Variants in FRMD5 observed in about 807,000 individuals in gnomAD.
FRMD5 encodes the protein FERM domain containing 5, also known as FERM domain-containing protein 5.
Under a neutral mutation model 69.0 loss-of-function variants are expected in FRMD5, and 20 were observed. The observed-to-expected ratio is 0.29, with a 90% CI of 0.20 to 0.42. FRMD5 has a LOEUF of 0.42. Among genes scored for constraint, FRMD5 ranks in the 10% least tolerant of loss-of-function variants. FRMD5 has a pLI of 1.00. For synonymous variants in FRMD5, 271 were observed against 260.1 expected (o/e 1.04, Z -0.40); for missense variants, 595 against 708.6 (o/e 0.84, Z 1.82).
chr15:44,154,195 T>C (rs2077490743), intron 1 of FRMD5, among the ~76,000 whole-genome samples: 1 of 152,068 alleles, frequency 6.6e-6, no homozygotes, highest in Admixed American at 6.5e-5. Flanking sequence ...TGGTGGTGCA[T>C]GCTTTTCATC....
chr15:43,999,919 GTATGTA>G (rs1368554157), intron 1 of FRMD5, among the ~76,000 whole-genome samples: 1 of 4,588 alleles, frequency 2.2e-4, no homozygotes, highest in Non-Finnish European at 1.5e-3. Flanking sequence ...TTGTGTGTGT[GTATGTA>G]TATATATATA....
At chr15:44,053,248 T>C (rs1471167315) in intron 1 of FRMD5, among the ~76,000 whole-genome samples, 1 of 152,020 alleles carries the variant, frequency 6.6e-6, no homozygotes, top group African/African-American at 2.4e-5. Context: ...AAGATGAACA[T>C]GGAAGGAAAG....
chr15:43,879,919 A>AG (rs1230270225), intron 13 of FRMD5: 1 of 340,542 alleles, frequency 2.9e-6, no homozygotes, highest in Non-Finnish European at 5.3e-6. Context: ...CACCGTTATC[A>AG]GGGGACTGGA....
intron 1 of FRMD5, among the ~76,000 whole-genome samples, chr15:44,169,518 A>C (rs1409581730): frequency 2.0e-5 from 3 of 152,222 alleles, no homozygotes; most frequent in Non-Finnish European, 2.9e-5. Context: ...CAGAAAGCTT[A>C]TGAGAACAGA....
At position 43,874,373 on chromosome 15, in the gene FRMD5, G is replaced by A. The variant is rs751630464; in HGVS notation, c.1225C>T (p.Arg409Trp). ...GCTACTCGCTCATTGCTATCTGTCC[G>A]GCTGCTTCTCACGTGAGGCAGGAAG... ...DTFLPHVRSS[R>W]TDSNERVAVI... is the part of the protein sequence containing the mutation. Residue 409 changes from arginine (R) to tryptophan (W), a missense_variant, in exon 14 of 14, where the codon CGG becomes TGG. By Grantham distance (101) the Arg-to-Trp change is moderately radical. This residue lies in a region of FRMD5 where 245 missense variants were observed against 227.1 expected (regional missense o/e 1.08). Transcript: ENST00000417257. 6.2e-6 allele frequency: 10 copies of A among 1,614,050 alleles called. No homozygotes were observed. Among genetic ancestry groups the A allele is most frequent in the African/African-American group, 2.7e-5 (2 of 74,932 alleles).
chr15:43,919,905 C>A (rs1462604598), intron 2 of FRMD5, 96 bp from the exon 3 acceptor site: 3 of 1,158,576 alleles, frequency 2.6e-6, no homozygotes, highest in African/African-American at 3.0e-5. Flanking sequence ...AGATTGTAGC[C>A]TAGGGTGAAA....
intron 1 of FRMD5, among the ~76,000 whole-genome samples, chr15:44,178,716 C>T (rs897326470): frequency 1.3e-5 from 2 of 152,060 alleles, no homozygotes; most frequent in East Asian, 1.9e-4. Context: ...AAGTCTAGGC[C>T]GGGTACGGTG....
At chr15:44,174,913 G>C (rs1196946343) in intron 1 of FRMD5, among the ~76,000 whole-genome samples, 2 of 152,128 alleles carry the variant, frequency 1.3e-5, no homozygotes, top group African/African-American at 4.8e-5. Context: ...GGGGGGTTGG[G>C]AGGAAGGAGA....
intron 1 of FRMD5, among the ~76,000 whole-genome samples, chr15:43,999,953 C>CATATATATATATAT (rs34872140): frequency 7.2e-5 from 6 of 82,898 alleles, no homozygotes; most frequent in African/African-American, 2.6e-4. Context: ...ATATGCCATG[C>CATATATATATATAT]ATATATATAT....
chr15:44,178,120 G>A (rs961595477), intron 1 of FRMD5, among the ~76,000 whole-genome samples: 3 of 152,050 alleles, frequency 2.0e-5, no homozygotes, highest in Non-Finnish European at 4.4e-5. Context: ...TCGAGAGTTC[G>A]AGACCAGCCT....
At chr15:44,159,253 C>A (rs2140494222) in intron 1 of FRMD5, among the ~76,000 whole-genome samples, 1 of 152,216 alleles carries the variant, frequency 6.6e-6, no homozygotes, top group East Asian at 1.9e-4. Flanking sequence ...TTTTACCATA[C>A]ACACACGTTT....
chr15:43,876,191 G>A (rs2088350575), intron 13 of FRMD5: 6 of 1,600,604 alleles, frequency 3.7e-6, no homozygotes, highest in South Asian at 3.3e-5. Flanking sequence ...CACTCCCAGA[G>A]GCTGCACCCC....
At chr15:43,885,329 C>T (rs1006263402) in intron 11 of FRMD5, among the ~76,000 whole-genome samples, 39 of 152,082 alleles carry the variant, frequency 2.6e-4, no homozygotes, top group African/African-American at 9.4e-4. Context: ...TGTGCCACCA[C>T]ACCCAGATAA....
chr15:43,904,648 G>A (rs565618257), intron 6 of FRMD5, among the ~76,000 whole-genome samples: 5 of 144,740 alleles, frequency 3.5e-5, no homozygotes, highest in African/African-American at 1.2e-4. Flanking sequence ...CAAAGTGCTG[G>A]GATTACAGGT....
chr15:43,988,364 T>TC (rs1334358853), intron 1 of FRMD5, among the ~76,000 whole-genome samples: 1 of 151,912 alleles, frequency 6.6e-6, no homozygotes, highest in Non-Finnish European at 1.5e-5. Context: ...GCACTTTTTT[T>TC]TTTTTTTAGC....
intron 8 of FRMD5, among the ~76,000 whole-genome samples, chr15:43,891,779 G>GT (rs1406308560): frequency 6.6e-6 from 1 of 152,134 alleles, no homozygotes; most frequent in African/African-American, 2.4e-5. Context: ...TGGAGAGGCT[G>GT]TTGGCTCTCA....
Position 44,024,586 on chromosome 15 carries a change from T to C in FRMD5, c.103-100277A>G, listed in dbSNP as rs1047879284. On this transcript the variant is annotated intron_variant, in intron 1 of 13. Transcript: ENST00000417257. Reference sequence around the variant, plus strand: ...CGTTTTTTCCTATTACAGGTTACCCTTAAGTAAACTTCCTGTTCATTTCTT... The same window carrying C: ...CGTTTTTTCCTATTACAGGTTACCCCTAAGTAAACTTCCTGTTCATTTCTT... Among the ~76,000 whole-genome samples the C allele has an allele frequency of 2.0e-5, 3 of 152,024 alleles. No individual in the cohort carries two copies. The South Asian group carries it at 6.2e-4, about 31-fold the overall frequency.
intron 1 of FRMD5, among the ~76,000 whole-genome samples, chr15:44,019,525 C>T (rs912203318): frequency 1.3e-5 from 2 of 151,278 alleles, no homozygotes; most frequent in African/African-American, 4.9e-5. Flanking sequence ...CACCTCAGAT[C>T]CGGAGTTCGA....
chr15:43,873,384 C>T lies in FRMD5; in HGVS notation c.*501G>A, dbSNP rs2140325741. The T allele has an allele frequency of 6.9e-7, 1 of 1,444,932 alleles. No individual in the cohort carries two copies. The highest frequency in any genetic ancestry group is 1.5e-5 in the South Asian group (1 of 67,332). The allele number at this position is 1,444,932 out of a possible 1,614,324, so 89.5% of individuals were successfully genotyped here. On this transcript the variant is annotated 3_prime_UTR_variant, in exon 14 of 14. Coordinates refer to ENST00000417257, the MANE Select transcript of FRMD5 (RefSeq NM_032892.5). ...CTAAACAGTCCCCATTGTCCAGATCCCTGGCCTGCCCTGCTGAGGCTGCAG... is the reference window on the plus strand; with the variant it reads ...CTAAACAGTCCCCATTGTCCAGATCTCTGGCCTGCCCTGCTGAGGCTGCAG...
Sources: allele counts gnomAD v4.1 joint callset (sites outside exome capture counted in the v4.1 genomes callset), GRCh38; gene constraint gnomAD v4.1.1; regional missense constraint gnomAD v4.1.1; transcripts MANE v1.5; gene names NCBI Gene and HGNC (gene_info 2026-07-23, HGNC 2026-07-21).